Variants in ERC1 observed in about 807,000 individuals in gnomAD.
ERC1 encodes RAB6 interacting protein 2.
Under a neutral mutation model 132.0 loss-of-function variants are expected in ERC1, and 56 were observed. That is an observed-to-expected ratio of 0.42 (90% CI 0.34 to 0.53). ERC1 has a LOEUF of 0.53. Among genes scored for constraint, ERC1 ranks in the 20% least tolerant of loss-of-function variants. ERC1 has a pLI of 0.03. For synonymous variants in ERC1, 478 were observed against 476.1 expected, an observed-to-expected ratio of 1.00 and a Z score of -0.05; for missense variants, 1,202 against 1,349.9, an observed-to-expected ratio of 0.89 and a Z score of 1.72.
rs796396097 is a variant in ERC1 at position 1,070,294 on chromosome 12, C to CTTTT, written c.670-12866_670-12863dup. ...TCATCCCTTCTTTTTTTCTTACTTT[C>CTTTT]TTTTTTTCTTTTCTTTTTTTTTTGG... On this transcript the variant is annotated intron_variant, in intron 2 of 18. Coordinates refer to ENST00000360905, the MANE Select transcript of ERC1 (RefSeq NM_178040.4). Among the ~76,000 whole-genome samples, 39 of 148,876 alleles carry CTTTT rather than the reference C, an allele frequency of 2.6e-4. 1 individual carries two copies. The highest frequency in any genetic ancestry group is 9.3e-4 in the African/African-American group (38 of 41,060).
At chr12:1,218,227 G>A (rs879896770) in intron 12 of ERC1, among the ~76,000 whole-genome samples, 2 of 152,138 alleles carry the variant, frequency 1.3e-5, no homozygotes, top group Non-Finnish European at 2.9e-5. Context: ...GCCTTTGCCT[G>A]AATAGTGCCA....
At chr12:1,471,266 T>G (rs1316594840) in intron 18 of ERC1, among the ~76,000 whole-genome samples, 4 of 152,084 alleles carry the variant, frequency 2.6e-5, no homozygotes, top group Admixed American at 6.5e-5. Flanking sequence ...CTCTAAAAAA[T>G]TAGAGAGGTA....
At chr12:1,021,650 G>C (rs761259640) in intron 1 of ERC1, among the ~76,000 whole-genome samples, 2 of 149,496 alleles carry the variant, frequency 1.3e-5, no homozygotes, top group Non-Finnish European at 3.0e-5. Flanking sequence ...AGTGAGCCCA[G>C]ATCGCACCAC....
chr12:1,166,591 C>T (rs1164137381), intron 8 of ERC1, among the ~76,000 whole-genome samples: 3 of 152,134 alleles, frequency 2.0e-5, no homozygotes, highest in African/African-American at 7.2e-5. Context: ...ATGTTTTTAT[C>T]ATAAAAAGAT....
intron 16 of ERC1, among the ~76,000 whole-genome samples, chr12:1,383,273 T>C (rs978512827): frequency 3.3e-5 from 5 of 152,156 alleles, no homozygotes; most frequent in African/African-American, 1.2e-4. Context: ...TGGTGTGATT[T>C]ATAGCTGCCT....
At chr12:1,344,090 T>C in intron 15 of ERC1, among the ~76,000 whole-genome samples, 1 of 152,212 alleles carries the variant, frequency 6.6e-6, no homozygotes, top group South Asian at 2.1e-4. Context: ...ATCCCCCCAC[T>C]TCGGCCTCCC....
At chr12:1,024,840 TG>T (rs1966838996) in intron 1 of ERC1, among the ~76,000 whole-genome samples, 1 of 67,606 alleles carries the variant, frequency 1.5e-5, no homozygotes, top group Non-Finnish European at 3.1e-5. Context: ...AAAAAAAAAG[TG>T]GAAAAAAAAA....
At chr12:1,337,739 T>C (rs1328166467) in intron 15 of ERC1, among the ~76,000 whole-genome samples, 1 of 152,248 alleles carries the variant, frequency 6.6e-6, no homozygotes, top group African/African-American at 2.4e-5. Context: ...GGTTTGATAG[T>C]AATGAATTTC....
chr12:1,015,783 T>G (rs1158804270), intron 1 of ERC1, among the ~76,000 whole-genome samples: 1 of 152,212 alleles, frequency 6.6e-6, no homozygotes, highest in Non-Finnish European at 1.5e-5. Flanking sequence ...TGAAATACAG[T>G]ATTAAAAATA....
chr12:1,391,505 A>G (rs536472758), intron 16 of ERC1: 1 of 152,336 alleles, frequency 6.6e-6, no homozygotes, highest in Non-Finnish European at 1.5e-5. Context: ...TTACTGCTCC[A>G]TGGAGGTGGA....
At chr12:1,420,608 A>G (rs570856123) in intron 17 of ERC1, among the ~76,000 whole-genome samples, 79 of 152,188 alleles carry the variant, frequency 5.2e-4, no homozygotes, top group African/African-American at 1.6e-3. Flanking sequence ...GGCACCTGCC[A>G]CCACGCCTGG....
At chr12:1,440,384 T>A (rs945039597) in intron 17 of ERC1, among the ~76,000 whole-genome samples, 32 of 150,840 alleles carry the variant, frequency 2.1e-4, no homozygotes, top group Non-Finnish European at 3.1e-4. Flanking sequence ...TTTTTTGTAT[T>A]TTTAGTAGAG....
chr12:1,123,118 T>TA (rs1484694028), intron 7 of ERC1, among the ~76,000 whole-genome samples: 1 of 152,158 alleles, frequency 6.6e-6, no homozygotes, highest in Admixed American at 6.6e-5. Context: ...CTTAAGAAGT[T>TA]ACATTAAGTT....
chr12:1,072,265 T>C (rs541103388), intron 2 of ERC1, among the ~76,000 whole-genome samples: 1 of 152,192 alleles, frequency 6.6e-6, no homozygotes, highest in Non-Finnish European at 1.5e-5. Context: ...CAAATATATT[T>C]ATTGGGGTTT....
chr12:1,298,653 G>A (rs957778000), intron 15 of ERC1, among the ~76,000 whole-genome samples: 1 of 150,492 alleles, frequency 6.6e-6, no homozygotes, highest in Middle Eastern at 3.4e-3. Context: ...AGGCAGAAAA[G>A]GAACAACAAA....
intron 2 of ERC1, among the ~76,000 whole-genome samples, chr12:1,036,368 A>G (rs891188088): frequency 6.6e-6 from 1 of 151,540 alleles, no homozygotes; most frequent in Non-Finnish European, 1.5e-5. Context: ...TTTGCCATTA[A>G]ATAAACTTTT....
chr12:1,247,952 T>C (rs2076255313), intron 13 of ERC1, among the ~76,000 whole-genome samples: 2 of 152,202 alleles, frequency 1.3e-5, no homozygotes, highest in Admixed American at 6.5e-5. Context: ...GCCGAGATCA[T>C]GCAACTGCAC....
intron 15 of ERC1, among the ~76,000 whole-genome samples, chr12:1,312,999 C>T (rs76466375): frequency 0.067 from 10,193 of 152,008 alleles, 432 homozygotes; most frequent in East Asian, 0.13. Flanking sequence ...AAAAGATGCT[C>T]CTATTGCAAT....
chr12:1,118,254 C>T (rs968856195), intron 7 of ERC1, among the ~76,000 whole-genome samples: 2 of 152,148 alleles, frequency 1.3e-5, no homozygotes, highest in African/African-American at 4.8e-5. Context: ...GGTGTACAAA[C>T]CAGAGAACCA....
Sources: allele counts gnomAD v4.1 joint callset (sites outside exome capture counted in the v4.1 genomes callset), GRCh38; gene constraint gnomAD v4.1.1; transcripts MANE v1.5; gene names NCBI Gene and HGNC (gene_info 2026-07-23, HGNC 2026-07-21).